GAPVD1: variants seen among roughly 807,000 people sequenced by gnomAD.
GAPVD1 encodes the protein GTPase activating protein and VPS9 domains 1.
GAPVD1 carries 35 observed loss-of-function variants against 155.5 expected under a neutral mutation model. The observed-to-expected ratio is 0.23, with a 90% confidence interval of 0.17 to 0.30. The LOEUF is 0.30. GAPVD1 is among the 10% of genes least tolerant of loss of function. The pLI is 1.00. For missense variants in GAPVD1, 1,429 were observed against 1,775.7 expected, an observed-to-expected ratio of 0.80 and a Z score of 3.51; for synonymous variants, 636 against 619.7, an observed-to-expected ratio of 1.03 and a Z score of -0.39.
chr9:125,283,196 A>T (rs1202603574), intron 2 of GAPVD1, among the ~76,000 whole-genome samples: 1 of 151,600 alleles, frequency 6.6e-6, no homozygotes, highest in Non-Finnish European at 1.5e-5. Context: ...AGTAGCTGGG[A>T]TTACAGGCAT....
In GAPVD1 at chr9:125,364,433, CGG is replaced by C. The variant is rs1851308440; in HGVS notation, c.*1690_*1691del. Reference sequence around the variant, plus strand: ...CTAATTTTTGTATTTTTAGTAGAAACGGGGTTTCACCATGTTGGCCAGGATGA... The same window carrying C: ...CTAATTTTTGTATTTTTAGTAGAAACGGTTTCACCATGTTGGCCAGGATGA... On this transcript the variant is annotated 3_prime_UTR_variant, in exon 28 of 28. Transcript: ENST00000297933. 1 of 151,994 alleles carries C rather than the reference CGG, an allele frequency of 6.6e-6. No homozygotes were observed. Among genetic ancestry groups the C allele is most frequent in the African/African-American group, 2.4e-5 (1 of 41,372 alleles). 9.4% of individuals were successfully genotyped at this position (151,994 alleles called of 1,614,324 possible).
chr9:125,354,592 A>C (rs549523338), intron 23 of GAPVD1, 62 bp from the exon 24 acceptor site: 1 of 1,100,826 alleles, frequency 9.1e-7, no homozygotes, highest in African/African-American at 1.6e-5. Flanking sequence ...TAGGACCCTT[A>C]TTCTTCAAAG....
intron 9 of GAPVD1, among the ~76,000 whole-genome samples, chr9:125,317,499 C>T (rs1843623299): frequency 6.6e-6 from 1 of 151,514 alleles, no homozygotes. Flanking sequence ...GTGGCACATG[C>T]CTGTAATCCC....
At chr9:125,280,034 A>T (rs1836501411) in intron 2 of GAPVD1, among the ~76,000 whole-genome samples, 1 of 147,148 alleles carries the variant, frequency 6.8e-6, no homozygotes, top group Admixed American at 6.8e-5. Flanking sequence ...AAGTGCTGGG[A>T]TTACAGGCGT....
At chr9:125,263,638 G>T in intron 1 of GAPVD1, 1 of 1,113,204 alleles carries the variant, frequency 9.0e-7, no homozygotes, top group Non-Finnish European at 1.4e-6. Flanking sequence ...GAATTTGGCT[G>T]CTGACCCAGC....
chr9:125,343,975 T>G (rs1848189813), intron 19 of GAPVD1, among the ~76,000 whole-genome samples: 1 of 152,214 alleles, frequency 6.6e-6, no homozygotes, highest in Non-Finnish European at 1.5e-5. Context: ...TTACTTATCC[T>G]CTTTAGGCAA....
intron 2 of GAPVD1, among the ~76,000 whole-genome samples, chr9:125,271,763 C>CT (rs1346620618): frequency 6.6e-6 from 1 of 152,060 alleles, no homozygotes; most frequent in African/African-American, 2.4e-5. Flanking sequence ...GTTAGCCGTG[C>CT]TAGTCTTGAA....
Position 125,299,110 on chromosome 9 carries a change from A to G in GAPVD1, c.185+4A>G. ...TGGATCGGCTTATCATAACCAGGTA[A>G]AGAGATGATTTTCAGGTTTTAAGTT... On this transcript the variant is annotated splice_donor_region_variant and intron_variant, in intron 4 of 27. Coordinates refer to ENST00000297933, the MANE Select transcript of GAPVD1 (RefSeq NM_001282680.3). 1 of 1,533,784 alleles carries G rather than the reference A, an allele frequency of 6.5e-7. No individual in the cohort carries two copies. Among genetic ancestry groups the G allele is most frequent in the East Asian group, 2.3e-5 (1 of 43,710 alleles).
intron 1 of GAPVD1, among the ~76,000 whole-genome samples, chr9:125,264,553 G>T (rs1208187990): frequency 4.6e-5 from 7 of 152,066 alleles, no homozygotes; most frequent in Non-Finnish European, 8.8e-5. Context: ...AATGGGGAAT[G>T]AACAAAATAA....
At chr9:125,334,764 A>G (rs1316887201) in intron 15 of GAPVD1, among the ~76,000 whole-genome samples, 2 of 151,006 alleles carry the variant, frequency 1.3e-5, no homozygotes, top group African/African-American at 4.9e-5. Context: ...AAAATTAGCC[A>G]GGTGTGGTGG....
At chr9:125,292,024 T>C (rs1275728839) in intron 2 of GAPVD1, among the ~76,000 whole-genome samples, 1 of 152,094 alleles carries the variant, frequency 6.6e-6, no homozygotes, top group African/African-American at 2.4e-5. Context: ...GGAGGATTGC[T>C]TGAGCCCAAG....
Position 125,300,156 on chromosome 9 carries a change from C to T in GAPVD1, c.185+1050C>T, listed in dbSNP as rs561802267. 1.4e-4 allele frequency among the ~76,000 whole-genome samples: 17 copies of T among 123,674 alleles called. No homozygotes were observed. In the East Asian group the frequency reaches 3.5e-3, roughly 25 times the overall value. 81.1% of individuals were successfully genotyped at this position (123,674 alleles called of 152,430 possible). On this transcript the variant is annotated intron_variant, in intron 4 of 27. Coordinates refer to ENST00000297933, the MANE Select transcript of GAPVD1 (RefSeq NM_001282680.3). ...GGGTTTAGAAACCACATTTTATTGT[C>T]TTAATACCTACGAAGAACATTTATT...
At chr9:125,280,430 A>C (rs1438150663) in intron 2 of GAPVD1, among the ~76,000 whole-genome samples, 1 of 149,068 alleles carries the variant, frequency 6.7e-6, no homozygotes, top group East Asian at 2.0e-4. Flanking sequence ...AGAATAAATG[A>C]GACCATCCAT....
At chr9:125,333,112 A>C (rs1241383050) in intron 15 of GAPVD1, among the ~76,000 whole-genome samples, 3 of 151,944 alleles carry the variant, frequency 2.0e-5, no homozygotes, top group African/African-American at 7.3e-5. Flanking sequence ...TTGTGCTGTC[A>C]CCCAGGCTGG....
chr9:125,296,408 G>A (rs1186410821), intron 3 of GAPVD1, among the ~76,000 whole-genome samples: 1 of 138,810 alleles, frequency 7.2e-6, no homozygotes, highest in Admixed American at 7.7e-5. Flanking sequence ...AGACTGGAGT[G>A]CAGTGGCGCG....
chr9:125,338,894 C>T lies in GAPVD1; in HGVS notation c.2877+1303C>T, dbSNP rs118182688. Among the ~76,000 whole-genome samples the T allele has an allele frequency of 4.6e-3, 694 of 151,516 alleles. 2 individuals are homozygous for T. Among genetic ancestry groups the T allele is most frequent in the Non-Finnish European group, 6.8e-3 (459 of 67,894 alleles). Reference sequence around the variant, plus strand: ...TTTTTAACTTACCTACTTATTATATCTGTGGTCTCATGGTTTTCTGTCTTT... The same window carrying T: ...TTTTTAACTTACCTACTTATTATATTTGTGGTCTCATGGTTTTCTGTCTTT... On this transcript the variant is annotated intron_variant, in intron 17 of 27. Coordinates refer to ENST00000297933, the MANE Select transcript of GAPVD1 (RefSeq NM_001282680.3).
rs146214318 is a variant in GAPVD1 at position 125,274,974 on chromosome 9, T to C, written c.-150+5990T>C. On this transcript the variant is annotated intron_variant, in intron 2 of 27. Transcript: ENST00000297933. ...AACTCCTAGACTGCCTCCGGGATCT[T>C]AGGCATATTGTTCTGCAGTTTGCTC... Among the ~76,000 whole-genome samples, 26 of 152,322 alleles carry C rather than the reference T, an allele frequency of 1.7e-4. No homozygotes were observed. In the East Asian group the frequency reaches 4.2e-3, roughly 25 times the overall value.
At chr9:125,298,357 CT>C (rs1380985592) in intron 3 of GAPVD1, among the ~76,000 whole-genome samples, 5 of 151,296 alleles carry the variant, frequency 3.3e-5, no homozygotes, top group Admixed American at 1.3e-4. Context: ...TAGCAGTGAG[CT>C]TTTTTTTCTT....
chr9:125,323,689 T>A, intron 10 of GAPVD1, 109 bp from the exon 11 acceptor site: 1 of 1,048,048 alleles, frequency 9.5e-7, no homozygotes, highest in South Asian at 1.4e-5. Context: ...GTATAAAAAG[T>A]ATTAAAAACA....
Sources: allele counts gnomAD v4.1 joint callset (sites outside exome capture counted in the v4.1 genomes callset), GRCh38; gene constraint gnomAD v4.1.1; transcripts MANE v1.5; gene names NCBI Gene and HGNC (gene_info 2026-07-23, HGNC 2026-07-21).